Variants in LRRC4 observed in about 807,000 individuals in gnomAD.
LRRC4 encodes leucine-rich repeat-containing protein 4.
A neutral mutation model predicts 37.9 loss-of-function variants in LRRC4; 11 were observed. That is an observed-to-expected ratio of 0.29 (90% confidence interval 0.18 to 0.48). The LOEUF is 0.48. Ranked by LOEUF, LRRC4 falls within the 20% of genes least tolerant of loss-of-function variation. The pLI, the probability that LRRC4 is intolerant of heterozygous loss-of-function variation, is 0.99. For synonymous variants in LRRC4, 404 were observed against 346.7 expected (o/e 1.17, Z -1.84); for missense variants, 717 against 842.1 (o/e 0.85, Z 1.84).
chr7:128,031,955 T>C (rs1474592363), upstream of LRRC4: 1 of 149,760 alleles, frequency 6.7e-6, no homozygotes, highest in Non-Finnish European at 1.5e-5. Flanking sequence ...CCCAGGAACA[T>C]AGTCCCCGCT....
Position 128,030,463 on chromosome 7 carries a change from C to A in LRRC4, c.178G>T (p.Val60Leu). 6.2e-7 allele frequency: 1 copy of A among 1,613,646 alleles called. No homozygotes were observed. The highest frequency in any genetic ancestry group is 1.3e-5 in the African/African-American group (1 of 75,058). The part of the protein sequence containing the change: ...CSCSNQFSKV[V>L]CTRRGLSEVP... Reference sequence around the variant, plus strand: ...TCGGAGAGGCCCCGGCGCGTGCACACCACCTTGCTGAACTGGTTACTGCAC... The same window carrying A: ...TCGGAGAGGCCCCGGCGCGTGCACAACACCTTGCTGAACTGGTTACTGCAC... The change falls in exon 2 of 2, where the codon GTG becomes TTG. Residue 60 changes from valine to leucine, a missense_variant. Physicochemically the swap from Val to Leu is conservative, Grantham distance 32. Around this residue, in one of 5 missense-constraint regions of LRRC4, gnomAD observed 127 missense variants for 134.8 expected, o/e 0.94. Coordinates refer to ENST00000249363, the MANE Select transcript of LRRC4 (RefSeq NM_022143.5).
rs1352263294 is a variant in LRRC4, at chr7:128,030,594, G to A, written c.47C>T (p.Ala16Val). ...QVTVHHHTWN[A>V]ILLPFVYLTA... ...GAGGTAGACGAACGGGAGCAGGATG[G>A]CATTCCAGGTGTGGTGGTGCACAGT... The change falls in exon 2 of 2, where the codon GCC (alanine) becomes GTC (valine). Residue 16 changes from alanine (A) to valine (V), a missense_variant. By Grantham distance (64) the Ala-to-Val change is moderately conservative (BLOSUM62 0). Coordinates refer to ENST00000249363, the MANE Select transcript of LRRC4 (RefSeq NM_022143.5). 1.9e-6 allele frequency: 3 copies of A among 1,596,154 alleles called. No individual in the cohort carries two copies. The highest frequency in any genetic ancestry group is 2.6e-6 in the Non-Finnish European group (3 of 1,168,520).
chr7:128,029,401 C>A lies in LRRC4; in HGVS notation c.1240G>T (p.Val414Leu). ...LNDGTLNFSH[V>L]LLSDTGVYTC... is the part of the protein sequence containing the mutation. ...TACACCCCAGTGTCTGAAAGCAGCA[C>A]GTGGGAAAAGTTCAAGGTGCCGTCG... Residue 414 changes from valine (V) to leucine (L), a missense_variant, in exon 2 of 2, where the codon GTG (valine) becomes TTG (leucine). Physicochemically the swap from Val to Leu is conservative, Grantham distance 32. Transcript: ENST00000249363. This position sits in a 1 kb window ranked among gnomAD's most constrained non-coding sequence, Gnocchi z 4.2. The A allele has an allele frequency of 1.2e-6, 2 of 1,614,132 alleles. No homozygotes were observed. The highest frequency in any genetic ancestry group is 1.1e-5 in the South Asian group (1 of 91,078).
Position 128,029,777 on chromosome 7 carries a change from C to A in LRRC4, c.864G>T (p.Pro288=), listed in dbSNP as rs763454206. The A allele has an allele frequency of 6.2e-7, 1 of 1,613,150 alleles. No homozygotes were observed. The highest frequency in any genetic ancestry group is 1.1e-5 in the South Asian group (1 of 91,010). The change falls in exon 2 of 2, where the codon CCG becomes CCT. Residue 288 remains proline, a synonymous_variant. Coordinates refer to ENST00000249363, the MANE Select transcript of LRRC4 (RefSeq NM_022143.5). This position sits in a 1 kb window ranked among gnomAD's most constrained non-coding sequence, Gnocchi z 4.2. ...LSSLPHDLFT[P]LRYLVELHLH... is the part of the protein sequence containing the mutation. ...GATGCAACTCCACCAGGTACCTCAG[C>A]GGGGTAAAGAGGTCATGGGGCAAAG...
In LRRC4 at chr7:128,029,124, A is replaced by G. The variant is rs752557447; in HGVS notation, c.1517T>C (p.Val506Ala). Residue 506 changes from valine to alanine, a missense_variant, in exon 2 of 2, where the codon GTA becomes GCA. This residue lies in a region of LRRC4 where 293 missense variants were observed against 268.3 expected (regional missense o/e 1.09). Transcript: ENST00000249363. The surrounding 1 kb of genome is among the most constrained non-coding windows in gnomAD (Gnocchi z 4.2). ...QTTRVPKQVA[V>A]PATDTTDKMQ... ...CTTGTCAGTGGTGTCTGTCGCGGGT[A>G]CTGCCACCTGCTTGGGCACACGGGT... 12 of 1,613,956 alleles carry G rather than the reference A, an allele frequency of 7.4e-6. No homozygotes were observed. In the African/African-American group the frequency reaches 1.5e-4, roughly 20 times the overall value.
rs74330692 is a variant in LRRC4 at position 128,028,955 on chromosome 7, G to A, written c.1686C>T (p.Ala562=). The A allele has an allele frequency of 3.0e-3, 4,841 of 1,608,504 alleles. 108 individuals carry two copies. The African/African-American group carries it at 0.051, about 17-fold the overall frequency. Residue 562 remains alanine (A), a synonymous_variant, in exon 2 of 2, where the codon GCC becomes GCT. Coordinates refer to ENST00000249363, the MANE Select transcript of LRRC4 (RefSeq NM_022143.5). The part of the protein sequence containing the change: ...KRHQQRSTVT[A]ARTVEIIQVD... The stretch of plus-strand genomic sequence containing the variant: ...CCTGGATTATCTCAACAGTCCGGGC[G>A]GCTGTGACTGTACTCCGCTGCTGGT...
rs761111348 is a variant in LRRC4, at chr7:128,028,909, C to T, written c.1732G>A (p.Ala578Thr). The change falls in exon 2 of 2, where the codon GCA becomes ACA. Residue 578 changes from alanine to threonine, a missense_variant. Ala to Thr is a moderately conservative substitution (Grantham distance 58). Coordinates refer to ENST00000249363, the MANE Select transcript of LRRC4 (RefSeq NM_022143.5). ...IIQVDEDIPA[A>T]TSAAATAAPS... ...GCTGCTGTTGCTGCTGCGGATGTTG[C>T]TGCTGGGATGTCTTCGTCCACCTGG... 1 of 1,613,124 alleles carries T rather than the reference C, an allele frequency of 6.2e-7. No individual in the cohort carries two copies. Among genetic ancestry groups the T allele is most frequent in the Non-Finnish European group, 8.5e-7 (1 of 1,179,392 alleles).
At position 128,029,716 on chromosome 7, in the gene LRRC4, G is replaced by T. The variant is rs749583832; in HGVS notation, c.925C>A (p.Leu309Met). Reference protein sequence around the residue: ...HNPWNCDCDILWLAWWLREYI... With the variant: ...HNPWNCDCDIMWLAWWLREYI... The stretch of plus-strand genomic sequence containing the variant: ...TCTCGAAGCCACCAGGCTAGCCACA[G>T]AATGTCACAATCACAGTTCCAAGGG... Residue 309 changes from leucine to methionine, a missense_variant, in exon 2 of 2, where the codon CTG becomes ATG. By Grantham distance (15) the Leu-to-Met change is conservative. Transcript: ENST00000249363. The surrounding 1 kb of genome is among the most constrained non-coding windows in gnomAD (Gnocchi z 4.2). The T allele has an allele frequency of 4.3e-6, 7 of 1,614,030 alleles. No individual in the cohort carries two copies. The highest frequency in any genetic ancestry group is 5.9e-6 in the Non-Finnish European group (7 of 1,180,048).
Position 128,031,183 on chromosome 7 carries a change from G to C in LRRC4, c.-371C>G, listed in dbSNP as rs1160960341. On this transcript the variant is annotated 5_prime_UTR_variant, in exon 1 of 2. Transcript: ENST00000249363. ...GGCCCGGCGGGCTATGCAGGTGCAT[G>C]CCCCCCCCTCCGCCCAAGGAGCGGC... The C allele has an allele frequency of 2.0e-5, 3 of 151,948 alleles. No individual in the cohort carries two copies. The East Asian group carries it at 5.9e-4, about 30-fold the overall frequency. The allele number at this position is 151,948 out of a possible 1,614,324, so 9.4% of individuals were successfully genotyped here.
Position 128,030,012 on chromosome 7 carries a change from T to A in LRRC4, c.629A>T (p.Asp210Val). ...CACCAGGGGGGTGAGATTGGGCATG[T>A]CTTTAATGTTGCACATGCCCAAGTT... ...YLNLGMCNIKDMPNLTPLVGL... is the reference protein window; with the variant it reads ...YLNLGMCNIKVMPNLTPLVGL... The change falls in exon 2 of 2, where the codon GAC (aspartate) becomes GTC (valine). Residue 210 changes from aspartate (D) to valine (V), a missense_variant. Around this residue, in one of 5 missense-constraint regions of LRRC4, gnomAD observed 138 missense variants for 261.0 expected, o/e 0.53. Transcript: ENST00000249363. 1 of 1,613,158 alleles carries A rather than the reference T, an allele frequency of 6.2e-7. No individual in the cohort carries two copies. Among genetic ancestry groups the A allele is most frequent in the Non-Finnish European group, 8.5e-7 (1 of 1,180,012 alleles).
chr7:128,028,594 GA>G lies in LRRC4; in HGVS notation c.*84del, dbSNP rs1303095039. The G allele has an allele frequency of 7.0e-6, 9 of 1,294,724 alleles. No homozygotes were observed. The African/African-American group carries it at 1.2e-4, about 17-fold the overall frequency. The allele number at this position is 1,294,724 out of a possible 1,614,324, so 80.2% of individuals were successfully genotyped here. A position where few individuals can be genotyped will look rare whatever the true frequency, so the allele number is the denominator to read the frequency against. On this transcript the variant is annotated 3_prime_UTR_variant, in exon 2 of 2. Coordinates refer to ENST00000249363, the MANE Select transcript of LRRC4 (RefSeq NM_022143.5). ...AGACTTAATATATAAGCATATACAA[GA>G]AAAAGTCTCTCCCCACTCTGTACAA...
In LRRC4 at chr7:128,029,215, C is replaced by A; in HGVS notation, c.1426G>T (p.Val476Phe). 1 of 1,614,116 alleles carries A rather than the reference C, an allele frequency of 6.2e-7. No individual in the cohort carries two copies. The highest frequency in any genetic ancestry group is 8.5e-7 in the Non-Finnish European group (1 of 1,180,028). Residue 476 changes from valine (V) to phenylalanine (F), a missense_variant, in exon 2 of 2, where the codon GTT becomes TTT. Transcript: ENST00000249363. The surrounding 1 kb of genome is among the most constrained non-coding windows in gnomAD (Gnocchi z 4.2). ...PEDTTRKYKP[V>F]PTTSTGYQPA... Reference sequence around the variant, plus strand: ...TGGTAACCAGTGGACGTGGTAGGAACAGGCTTGTACTTTCGCGTTGTGTCC... The same window carrying A: ...TGGTAACCAGTGGACGTGGTAGGAAAAGGCTTGTACTTTCGCGTTGTGTCC...
At position 128,029,584 on chromosome 7, in the gene LRRC4, G is replaced by C. The variant is rs1247118960; in HGVS notation, c.1057C>G (p.Pro353Ala). 6.2e-7 allele frequency: 1 copy of C among 1,614,038 alleles called. No homozygotes were observed. The change falls in exon 2 of 2, where the codon CCC (proline) becomes GCC (alanine). Residue 353 changes from proline (P) to alanine (A), a missense_variant. Pro to Ala is a conservative substitution (Grantham distance 27, BLOSUM62 -1). Around this residue, in one of 5 missense-constraint regions of LRRC4, gnomAD observed 293 missense variants for 268.3 expected, o/e 1.09. Transcript: ENST00000249363. The surrounding 1 kb of genome is among the most constrained non-coding windows in gnomAD (Gnocchi z 4.2). ...TCTCGAGGTGCGTCCATGATGAAGG[G>C]GGCAGAGCACTGGAAGGAGGCCTGG... ...VDQASFQCSA[P>A]FIMDAPRDLN...
Position 128,028,806 on chromosome 7 carries a change from G to A in LRRC4, c.1835C>T (p.Pro612Leu), listed in dbSNP as rs565861017. Reference protein sequence around the residue: ...HDHINYNTYKPAHGAHWTENS... With the variant: ...HDHINYNTYKLAHGAHWTENS... ...TTCTGTCCAGTGGGCCCCATGTGCT[G>A]GTTTGTAGGTGTTGTAGTTAATATG... Residue 612 changes from proline to leucine, a missense_variant, in exon 2 of 2, where the codon CCA becomes CTA. This residue lies in a region of LRRC4 where 140 missense variants were observed against 137.2 expected (regional missense o/e 1.02). Transcript: ENST00000249363. 3.1e-6 allele frequency: 5 copies of A among 1,614,130 alleles called. No homozygotes were observed. The African/African-American group carries it at 6.7e-5, about 22-fold the overall frequency.
Position 128,029,558 on chromosome 7 carries a change from G to C in LRRC4, c.1083C>G (p.Asp361Glu). Residue 361 changes from aspartate to glutamate, a missense_variant, in exon 2 of 2, where the codon GAC becomes GAG. This residue lies in a region of LRRC4 where 293 missense variants were observed against 268.3 expected (regional missense o/e 1.09). Transcript: ENST00000249363. This position sits in a 1 kb window ranked among gnomAD's most constrained non-coding sequence, Gnocchi z 4.2. ...CCATCCGACCCTCAGAAATGTTGAG[G>C]TCTCGAGGTGCGTCCATGATGAAGG... ...SAPFIMDAPRDLNISEGRMAE... is the reference protein window; with the variant it reads ...SAPFIMDAPRELNISEGRMAE... The C allele has an allele frequency of 1.2e-6, 2 of 1,614,078 alleles. No individual in the cohort carries two copies. The highest frequency in any genetic ancestry group is 1.7e-6 in the Non-Finnish European group (2 of 1,180,034).
At chr7:128,031,582 C>G (rs896161735), upstream of LRRC4, 1 of 149,814 alleles carries the variant, frequency 6.7e-6, no homozygotes, top group Non-Finnish European at 1.5e-5. Context: ...CGCCGGCTGC[C>G]GGCACGCGGG....
Position 128,028,497 on chromosome 7 carries a change from G to T in LRRC4, c.*182C>A. The T allele has an allele frequency of 3.4e-6, 2 of 592,852 alleles. No homozygotes were observed. Among genetic ancestry groups the T allele is most frequent in the Non-Finnish European group, 2.8e-6 (1 of 362,774 alleles). The allele number at this position is 592,852 out of a possible 1,614,324, so 36.7% of individuals were successfully genotyped here. A position where few individuals can be genotyped will look rare whatever the true frequency, so the allele number is the denominator to read the frequency against. On this transcript the variant is annotated 3_prime_UTR_variant, in exon 2 of 2. Transcript: ENST00000249363. ...CACCCCCTTTAAATAGAACTTACAA[G>T]TTAGAAAATATTTTTGTTTTGACTT... is the stretch of plus-strand genomic sequence containing the variant.
At position 128,031,189 on chromosome 7, in the gene LRRC4, C is replaced by CT. The variant is rs1240740689; in HGVS notation, c.-378_-377insA. ...GCGGGCTATGCAGGTGCATGCCCCC[C>CT]CCTCCGCCCAAGGAGCGGCGCCACC... On this transcript the variant is annotated 5_prime_UTR_variant, in exon 1 of 2. The change abolishes the stop of an existing upstream ORF in the 5' untranslated region. Coordinates refer to ENST00000249363, the MANE Select transcript of LRRC4 (RefSeq NM_022143.5). 1 of 152,334 alleles carries CT rather than the reference C, an allele frequency of 6.6e-6. No homozygotes were observed. The highest frequency in any genetic ancestry group is 1.5e-5 in the Non-Finnish European group (1 of 68,176). 9.4% of individuals were successfully genotyped at this position (152,334 alleles called of 1,614,324 possible).
In LRRC4 at chr7:128,028,045, C is replaced by T. The variant is rs1803530161; in HGVS notation, c.*634G>A. 6.5e-6 allele frequency: 1 copy of T among 152,748 alleles called. No homozygotes were observed. Among genetic ancestry groups the T allele is most frequent in the Non-Finnish European group, 1.5e-5 (1 of 68,100 alleles). The allele number at this position is 152,748 out of a possible 1,614,324, so 9.5% of individuals were successfully genotyped here. The stretch of plus-strand genomic sequence containing the variant: ...AGACTTGTGCACATGGACAAAGACT[C>T]AGCCCCTTTAAGGGTTCGTTTGAAT... On this transcript the variant is annotated 3_prime_UTR_variant, in exon 2 of 2. Transcript: ENST00000249363.
Sources: gnomAD v4.1 joint callset for allele counts on GRCh38, gnomAD v4.1.1 for gene constraint, gnomAD v4.1.1 regional missense constraint, Gnocchi (gnomAD v3.1) non-coding constraint, MANE v1.5 for transcripts, NCBI Gene and HGNC (gene_info 2026-07-23, HGNC 2026-07-21) for gene names.